ABCC4: variants seen among roughly 807,000 people sequenced by gnomAD.
ABCC4 encodes ATP binding cassette subfamily C member 4 (PEL blood group), also known as ATP-binding cassette sub-family C member 4.
ABCC4 carries 102 observed loss-of-function variants against 168.5 expected under a neutral mutation model. That is an observed-to-expected ratio of 0.61 (90% confidence interval 0.52 to 0.71). ABCC4 has a LOEUF of 0.71. ABCC4 is among the 30% of genes least tolerant of loss of function. The pLI is 0.00. For missense variants in ABCC4, 1,402 were observed against 1,605.8 expected (o/e 0.87, Z 2.17); for synonymous variants, 617 against 590.7 (o/e 1.04, Z -0.65).
chr13:95,044,187 A>G (rs2032479393), intron 28 of ABCC4, 79 bp downstream of exon 28: 3 of 1,335,394 alleles, frequency 2.2e-6, no homozygotes, highest in East Asian at 5.1e-5. Flanking sequence ...ACTTAGAAAT[A>G]TTTCTCAGAA....
At chr13:95,186,304 G>C (rs2038056479) in intron 11 of ABCC4, among the ~76,000 whole-genome samples, 1 of 152,098 alleles carries the variant, frequency 6.6e-6, no homozygotes, top group African/African-American at 2.4e-5. Flanking sequence ...GTTGGGGGTG[G>C]AGCTAGCAGA....
intron 14 of ABCC4, among the ~76,000 whole-genome samples, chr13:95,168,725 G>A (rs1431353942): frequency 1.3e-5 from 2 of 152,172 alleles, no homozygotes; most frequent in African/African-American, 4.8e-5. Flanking sequence ...CCAGGGTACT[G>A]AGGCAAGAGG....
At chr13:95,111,807 C>T (rs1628382) in intron 20 of ABCC4, among the ~76,000 whole-genome samples, 40,610 of 152,088 alleles carry the variant, frequency 0.27, 6,030 homozygotes, top group African/African-American at 0.4. Flanking sequence ...CTTATCTCAG[C>T]GATTTCATCG....
intron 20 of ABCC4, among the ~76,000 whole-genome samples, chr13:95,097,541 T>C (rs1439585616): frequency 6.6e-6 from 1 of 150,648 alleles, no homozygotes; most frequent in African/African-American, 2.4e-5. Context: ...ATAAGCCAAC[T>C]TGACCTGTCA....
intron 20 of ABCC4, among the ~76,000 whole-genome samples, chr13:95,089,834 T>C (rs775998073): frequency 5.3e-5 from 8 of 149,932 alleles, no homozygotes; most frequent in Non-Finnish European, 1.0e-4. Context: ...GCCGAAATCA[T>C]GCCACTGCAC....
chr13:95,022,171 C>T (rs1216475845), intron 30 of ABCC4, among the ~76,000 whole-genome samples: 1 of 152,064 alleles, frequency 6.6e-6, no homozygotes, highest in Non-Finnish European at 1.5e-5. Context: ...TGAAACATCC[C>T]GGCGTTTAAT....
At chr13:95,261,174 C>G (rs1420283808) in intron 1 of ABCC4, among the ~76,000 whole-genome samples, 2 of 151,902 alleles carry the variant, frequency 1.3e-5, no homozygotes, top group Non-Finnish European at 2.9e-5. Context: ...ATTCCCAGGC[C>G]CAGTGGCTCA....
At chr13:95,297,668 A>G (rs953008775) in intron 1 of ABCC4, among the ~76,000 whole-genome samples, 8 of 152,164 alleles carry the variant, frequency 5.3e-5, no homozygotes, top group South Asian at 2.1e-4. Flanking sequence ...GGCACAAAAT[A>G]TAACTCAAGA....
intron 4 of ABCC4, among the ~76,000 whole-genome samples, chr13:95,221,103 T>C (rs186804889): frequency 6.6e-6 from 1 of 152,282 alleles, no homozygotes; most frequent in Admixed American, 6.5e-5. Context: ...AAAGGATAAA[T>C]ATGGTATGAT....
chr13:95,300,548 A>G (rs758281177), intron 1 of ABCC4, among the ~76,000 whole-genome samples: 7 of 152,204 alleles, frequency 4.6e-5, no homozygotes, highest in Non-Finnish European at 8.8e-5. Context: ...CACGACCCAC[A>G]TGGACACACA....
chr13:95,041,507 G>C (rs1023675049), intron 29 of ABCC4, among the ~76,000 whole-genome samples: 1 of 152,164 alleles, frequency 6.6e-6, no homozygotes, highest in Non-Finnish European at 1.5e-5. Context: ...TGACAATAGT[G>C]TTGGTTATGT....
At chr13:95,256,148 C>T (rs976009892) in intron 1 of ABCC4, among the ~76,000 whole-genome samples, 2 of 152,226 alleles carry the variant, frequency 1.3e-5, no homozygotes, top group African/African-American at 4.8e-5. Context: ...TGGGGTGCAG[C>T]GGCATAATCA....
chr13:95,174,679 C>T (rs2037605045), intron 13 of ABCC4, among the ~76,000 whole-genome samples: 1 of 152,214 alleles, frequency 6.6e-6, no homozygotes, highest in Non-Finnish European at 1.5e-5. Context: ...TTCCCCGCGG[C>T]GACTCTAAAC....
intron 3 of ABCC4, among the ~76,000 whole-genome samples, chr13:95,235,114 C>G (rs1156364267): frequency 6.6e-6 from 1 of 151,934 alleles, no homozygotes; most frequent in Admixed American, 6.6e-5. Flanking sequence ...TGGTCCCGAA[C>G]TCCTAGCCTC....
intron 14 of ABCC4, 57 bp downstream of exon 14, chr13:95,170,475 G>A (rs2037428029): frequency 1.0e-6 from 1 of 984,622 alleles, no homozygotes. Context: ...GGAAGAAGAA[G>A]GGGATTCAAC....
intron 1 of ABCC4, among the ~76,000 whole-genome samples, chr13:95,255,972 C>T (rs1452623563): frequency 6.6e-6 from 1 of 152,198 alleles, no homozygotes; most frequent in Admixed American, 6.5e-5. Context: ...ACACGACAAC[C>T]AGTACCAAGC....
chr13:95,075,667 C>CCTGCGTG, intron 21 of ABCC4, 116 bp from the exon 22 acceptor site: 1 of 1,365,708 alleles, frequency 7.3e-7, no homozygotes, highest in Non-Finnish European at 9.9e-7. Flanking sequence ...TCCTAGGAGG[C>CCTGCGTG]TTCATGTTTC....
At chr13:95,234,390 A>G (rs1455960442) in intron 4 of ABCC4, among the ~76,000 whole-genome samples, 1 of 152,222 alleles carries the variant, frequency 6.6e-6, no homozygotes, top group Non-Finnish European at 1.5e-5. Flanking sequence ...AAGAAAAAAA[A>G]CATTGGCCTG....
chr13:95,027,458 T>G (rs2031604896), intron 30 of ABCC4, among the ~76,000 whole-genome samples: 1 of 152,240 alleles, frequency 6.6e-6, no homozygotes, highest in South Asian at 2.1e-4. Flanking sequence ...CTAGTCATGA[T>G]GGACCAAATT....
Sources: allele counts gnomAD v4.1 joint callset (sites outside exome capture counted in the v4.1 genomes callset), GRCh38; gene constraint gnomAD v4.1.1; transcripts MANE v1.5; gene names NCBI Gene and HGNC (gene_info 2026-07-23, HGNC 2026-07-21).